The following PACS1 variants were observed in gnomAD, a reference collection of about 807,000 sequenced individuals.
PACS1 encodes the protein phosphofurin acidic cluster sorting protein 1.
In PACS1, 24 loss-of-function variants were observed where a neutral mutation model predicts 115.0. That is an observed-to-expected ratio of 0.21 (90% CI 0.15 to 0.29). The LOEUF is 0.29. Among genes scored for constraint, PACS1 ranks in the 10% least tolerant of loss-of-function variants. The pLI is 1.00. For synonymous variants in PACS1, 453 were observed against 504.5 expected (o/e 0.90, Z 1.37); for missense variants, 838 against 1,251.2 (o/e 0.67, Z 4.98).
At position 66,223,054 on chromosome 11, in the gene PACS1, C is replaced by CAAAAA. The variant is rs71461612; in HGVS notation, c.1293+1827_1293+1831dup. Among the ~76,000 whole-genome samples, 368 of 74,972 alleles carry CAAAAA rather than the reference C, an allele frequency of 4.9e-3. 7 individuals are homozygous for CAAAAA. Among genetic ancestry groups the CAAAAA allele is most frequent in the African/African-American group, 0.018 (340 of 18,442 alleles). 49.2% of individuals were successfully genotyped at this position (74,972 alleles called of 152,430 possible). A position where few individuals can be genotyped will look rare whatever the true frequency, so the allele number is the denominator to read the frequency against. On this transcript the variant is annotated intron_variant, in intron 10 of 23. Coordinates refer to ENST00000320580, the MANE Select transcript of PACS1 (RefSeq NM_018026.4). ...CAAGAACTGAGGAGACCTCGATTTA[C>CAAAAA]AAAAAAAAAAAAAAAAAAAAAAAAC...
At chr11:66,155,295 T>A (rs989263439) in intron 1 of PACS1, among the ~76,000 whole-genome samples, 1 of 152,186 alleles carries the variant, frequency 6.6e-6, no homozygotes, top group African/African-American at 2.4e-5. Context: ...TTTATCAAAA[T>A]TGAAATGTGC....
chr11:66,213,006 T>C (rs930657754), intron 4 of PACS1, among the ~76,000 whole-genome samples: 2 of 152,160 alleles, frequency 1.3e-5, no homozygotes, highest in African/African-American at 4.8e-5. Context: ...CCCGCCACCA[T>C]GCCCGGCTAA....
intron 1 of PACS1, among the ~76,000 whole-genome samples, chr11:66,125,213 G>A (rs1858542920): frequency 1.3e-5 from 2 of 152,332 alleles, no homozygotes; most frequent in African/African-American, 2.4e-5. Context: ...GGAGGCAGGT[G>A]AGGGATAAAA....
At chr11:66,202,008 TAAG>T (rs1474466243) in intron 2 of PACS1, among the ~76,000 whole-genome samples, 1 of 150,286 alleles carries the variant, frequency 6.7e-6, no homozygotes, top group African/African-American at 2.5e-5. Flanking sequence ...CCAGACCAAA[TAAG>T]AAAAAAAGAG....
chr11:66,191,355 C>T (rs1854518036), intron 1 of PACS1, among the ~76,000 whole-genome samples: 1 of 152,226 alleles, frequency 6.6e-6, no homozygotes, highest in Non-Finnish European at 1.5e-5. Flanking sequence ...CACATCTGCA[C>T]AGTCCCTTTT....
chr11:66,192,726 G>A (rs1433793376), intron 1 of PACS1, among the ~76,000 whole-genome samples: 1 of 152,214 alleles, frequency 6.6e-6, no homozygotes, highest in Non-Finnish European at 1.5e-5. Flanking sequence ...TAGAAAGGCA[G>A]CTTCCAGAGT....
In PACS1 at chr11:66,236,762, A is replaced by T. The variant is rs988917875; in HGVS notation, c.2250+822A>T. 2.1e-4 allele frequency among the ~76,000 whole-genome samples: 30 copies of T among 145,008 alleles called. 1 individual carries two copies. Among genetic ancestry groups the T allele is most frequent in the African/African-American group, 7.5e-4 (29 of 38,644 alleles). On this transcript the variant is annotated intron_variant, in intron 19 of 23. Transcript: ENST00000320580. This position sits in a 1 kb window ranked among gnomAD's most constrained non-coding sequence, Gnocchi z 4.2. The stretch of plus-strand genomic sequence containing the variant: ...TCGAAACCAGCTTCTATCTTTTTTT[A>T]TTATTTTTTTTTTTTATGAGATGGA...
chr11:66,147,059 T>C (rs1192645170), intron 1 of PACS1, among the ~76,000 whole-genome samples: 1 of 152,042 alleles, frequency 6.6e-6, no homozygotes, highest in Non-Finnish European at 1.5e-5. Flanking sequence ...AGACACTGTC[T>C]AAAAACAGAC....
At chr11:66,238,941 C>T (rs1271280512) in intron 20 of PACS1, 95 bp downstream of exon 20, 1 of 1,400,182 alleles carries the variant, frequency 7.1e-7, no homozygotes, top group African/African-American at 1.4e-5. Context: ...TCTGGATGCC[C>T]TGAGGGAAGT....
chr11:66,234,729 T>C (rs1855672296), intron 17 of PACS1, among the ~76,000 whole-genome samples: 3 of 152,018 alleles, frequency 2.0e-5, no homozygotes, highest in African/African-American at 4.8e-5. Flanking sequence ...ATACAAAAAT[T>C]AGCTGGGTAT....
At chr11:66,154,152 C>G (rs1210262433) in intron 1 of PACS1, among the ~76,000 whole-genome samples, 1 of 152,138 alleles carries the variant, frequency 6.6e-6, no homozygotes, top group Non-Finnish European at 1.5e-5. Context: ...CTTCAAAATA[C>G]TGAACCAGGT....
At chr11:66,087,746 C>G (rs60379964) in intron 1 of PACS1, among the ~76,000 whole-genome samples, 4,011 of 152,234 alleles carry the variant, frequency 0.026, 169 homozygotes, top group African/African-American at 0.091. Flanking sequence ...TGTGGGCATT[C>G]TTGTACATGT....
chr11:66,147,001 G>A (rs1340976918), intron 1 of PACS1, among the ~76,000 whole-genome samples: 1 of 152,172 alleles, frequency 6.6e-6, no homozygotes, highest in Non-Finnish European at 1.5e-5. Context: ...AGCTTGCAGT[G>A]AGCCGACATC....
At chr11:66,098,391 A>G (rs1233321010) in intron 1 of PACS1, among the ~76,000 whole-genome samples, 1 of 152,106 alleles carries the variant, frequency 6.6e-6, no homozygotes, top group East Asian at 1.9e-4. Context: ...CTCTCACCTC[A>G]TGCAGATTTC....
chr11:66,227,318 T>A (rs145378067), intron 10 of PACS1, among the ~76,000 whole-genome samples, 186 bp from the exon 11 acceptor site: 97 of 152,126 alleles, frequency 6.4e-4, no homozygotes, highest in African/African-American at 2.3e-3. Context: ...AGATAACTGA[T>A]CCCTCCAAAA....
At chr11:66,072,459 G>A (rs1464066191) in intron 1 of PACS1, among the ~76,000 whole-genome samples, 1 of 152,150 alleles carries the variant, frequency 6.6e-6, no homozygotes, top group Non-Finnish European at 1.5e-5. Flanking sequence ...CTAGGCAAAA[G>A]TAGATTGTTT....
chr11:66,101,820 A>G (rs766610212), intron 1 of PACS1, among the ~76,000 whole-genome samples: 1 of 152,180 alleles, frequency 6.6e-6, no homozygotes, highest in Non-Finnish European at 1.5e-5. Context: ...GGAGACGGTT[A>G]CTGGGGGGAG....
chr11:66,110,981 T>A (rs1296885112), intron 1 of PACS1, among the ~76,000 whole-genome samples: 1 of 152,202 alleles, frequency 6.6e-6, no homozygotes, highest in Non-Finnish European at 1.5e-5. Context: ...TCTGGTATTA[T>A]CCTGGTACGC....
chr11:66,091,266 G>A (rs1475894211), intron 1 of PACS1, among the ~76,000 whole-genome samples: 2 of 151,938 alleles, frequency 1.3e-5, no homozygotes, highest in East Asian at 1.9e-4. Context: ...TCAACCTCCC[G>A]AGTCTCTAGG....
Sources: gnomAD v4.1 joint callset for allele counts (sites outside exome capture counted in the v4.1 genomes callset) on GRCh38, gnomAD v4.1.1 for gene constraint, Gnocchi (gnomAD v3.1) non-coding constraint, MANE v1.5 for transcripts, NCBI Gene and HGNC (gene_info 2026-07-23, HGNC 2026-07-21) for gene names.